Variants in NPHP4 observed in about 807,000 individuals in gnomAD.
NPHP4 encodes nephrocystin-4.
A neutral mutation model predicts 155.8 loss-of-function variants in NPHP4; 151 were observed. That is an observed-to-expected ratio of 0.97 (90% CI 0.85 to 1.11). NPHP4 has a LOEUF of 1.11. NPHP4 is among the 50% of genes least tolerant of loss of function. The pLI, the probability that NPHP4 is intolerant of heterozygous loss-of-function variation, is 0.00. For synonymous variants in NPHP4, 845 were observed against 816.8 expected (o/e 1.03, Z -0.59); for missense variants, 1,956 against 1,925.7 (o/e 1.02, Z -0.29).
intron 18 of NPHP4, among the ~76,000 whole-genome samples, chr1:5,883,946 G>A (rs1156746940): frequency 1.3e-5 from 2 of 152,176 alleles, no homozygotes; most frequent in African/African-American, 2.4e-5. Context: ...TGGCTGCAGC[G>A]GGTGTGACCA....
In NPHP4 at chr1:5,900,990, G is replaced by GT. The variant is rs1644650889; in HGVS notation, c.2143+3626dup. ...GTCGAGGCTGCCATGAGCCATAATT[G>GT]TGCCACTGCACTCCAGCCTGGGTGA... On this transcript the variant is annotated intron_variant, in intron 16 of 29. Coordinates refer to ENST00000378156, the MANE Select transcript of NPHP4 (RefSeq NM_015102.5). 1.3e-5 allele frequency among the ~76,000 whole-genome samples: 2 copies of GT among 151,958 alleles called. 1 individual carries two copies. The highest frequency in any genetic ancestry group is 4.2e-4 in the South Asian group (2 of 4,810).
chr1:5,913,937 G>A (rs1336824861), intron 11 of NPHP4, among the ~76,000 whole-genome samples: 1 of 152,054 alleles, frequency 6.6e-6, no homozygotes, highest in Non-Finnish European at 1.5e-5. Flanking sequence ...CAGAACAGAG[G>A]AAGGAGCTCT....
At chr1:5,911,085 C>T (rs1287756334) in intron 11 of NPHP4, among the ~76,000 whole-genome samples, 6 of 152,242 alleles carry the variant, frequency 3.9e-5, no homozygotes, top group South Asian at 2.1e-4. Flanking sequence ...CTCACGTGCT[C>T]GGAGGGAGTT....
chr1:5,920,073 A>C (rs1645663974), intron 11 of NPHP4, among the ~76,000 whole-genome samples: 1 of 152,254 alleles, frequency 6.6e-6, no homozygotes, highest in Admixed American at 6.5e-5. Flanking sequence ...CTGGGACTAC[A>C]GGCGCGTGCC....
chr1:5,941,836 T>C (rs1646832608), intron 9 of NPHP4, among the ~76,000 whole-genome samples: 1 of 152,176 alleles, frequency 6.6e-6, no homozygotes, highest in South Asian at 2.1e-4. Flanking sequence ...GTCAACCATC[T>C]ACCCACCAGT....
At chr1:5,907,334 CG>C in intron 12 of NPHP4, 112 bp from the exon 13 acceptor site, 2 of 601,542 alleles carry the variant, frequency 3.3e-6, no homozygotes. Context: ...GATCCAGCCA[CG>C]GAAGGGAGTG....
At chr1:5,870,803 A>G (rs953430087) in intron 23 of NPHP4, among the ~76,000 whole-genome samples, 1 of 152,230 alleles carries the variant, frequency 6.6e-6, no homozygotes. Flanking sequence ...TGAAACGAAC[A>G]CCAGACCAGC....
intron 2 of NPHP4, among the ~76,000 whole-genome samples, chr1:5,981,766 C>T (rs543105525): frequency 1.8e-4 from 27 of 152,296 alleles, no homozygotes; most frequent in African/African-American, 3.6e-4. Flanking sequence ...AATAAAACAA[C>T]GTTGCATTCC....
At chr1:5,985,281 T>C (rs1453966149) in intron 2 of NPHP4, among the ~76,000 whole-genome samples, 2 of 152,260 alleles carry the variant, frequency 1.3e-5, no homozygotes, top group African/African-American at 2.4e-5. Flanking sequence ...CTGATCCTTC[T>C]CACGCATTCC....
intron 11 of NPHP4, among the ~76,000 whole-genome samples, chr1:5,916,975 C>T (rs965559738): frequency 2.0e-5 from 3 of 152,218 alleles, no homozygotes. Flanking sequence ...GCAAGAATAG[C>T]TGGGCAAAGC....
chr1:5,952,312 G>C (rs1648262254), intron 7 of NPHP4, among the ~76,000 whole-genome samples: 1 of 152,202 alleles, frequency 6.6e-6, no homozygotes, highest in Non-Finnish European at 1.5e-5. Context: ...CTCATCTGGT[G>C]ATTTAGTTTA....
intron 16 of NPHP4, among the ~76,000 whole-genome samples, chr1:5,893,303 C>T (rs193179020): frequency 6.5e-4 from 99 of 152,172 alleles, no homozygotes; most frequent in Admixed American, 6.3e-3. Flanking sequence ...GCGCAGAGAC[C>T]GGTAGTGGCC....
Position 5,927,633 on chromosome 1 carries a change from C to G in NPHP4, c.1441+16G>C. 6.3e-7 allele frequency: 1 copy of G among 1,593,122 alleles called. No individual in the cohort carries two copies. Among genetic ancestry groups the G allele is most frequent in the Non-Finnish European group, 8.6e-7 (1 of 1,163,240 alleles). On this transcript the variant is annotated intron_variant, in intron 11 of 29. Coordinates refer to ENST00000378156, the MANE Select transcript of NPHP4 (RefSeq NM_015102.5). ...CTGCCATGTGCCTGGCCAGTCAGCTCTCTGGAAACACTTACTCGAAGGGGA... is the reference window on the plus strand; with the variant it reads ...CTGCCATGTGCCTGGCCAGTCAGCTGTCTGGAAACACTTACTCGAAGGGGA...
Position 5,905,662 on chromosome 1 carries a change from G to A in NPHP4, c.1733C>T (p.Ala578Val). ...LQELPFTPLHAPIVVGTQTRS... is the reference protein window; with the variant it reads ...LQELPFTPLHVPIVVGTQTRS... ...GGTCTGGGTTCCCACAACAATAGGG[G>A]CATGCAAAGGCGTGAACGGCAGCTC... The change falls in exon 14 of 30, where the codon GCC (alanine) becomes GTC (valine). Residue 578 changes from alanine (A) to valine (V), a missense_variant. By Grantham distance (64) the Ala-to-Val change is moderately conservative. Transcript: ENST00000378156. This position sits in a 1 kb window ranked among gnomAD's most constrained non-coding sequence, Gnocchi z 4.0. 10 of 1,613,958 alleles carry A rather than the reference G, an allele frequency of 6.2e-6. No homozygotes were observed. The highest frequency in any genetic ancestry group is 7.6e-6 in the Non-Finnish European group (9 of 1,179,866).
At chr1:5,884,008 T>A (rs574748069) in intron 18 of NPHP4, among the ~76,000 whole-genome samples, 1 of 152,266 alleles carries the variant, frequency 6.6e-6, no homozygotes, top group South Asian at 2.1e-4. Context: ...TTACTATATT[T>A]CTACTTAGGG....
chr1:5,950,984 T>C (rs769032299), intron 7 of NPHP4, among the ~76,000 whole-genome samples: 4 of 152,146 alleles, frequency 2.6e-5, no homozygotes, highest in East Asian at 3.9e-4. Flanking sequence ...CACGGGAGCA[T>C]GGTCTTGAGC....
At chr1:5,908,394 T>C (rs1645016612) in intron 12 of NPHP4, among the ~76,000 whole-genome samples, 1 of 152,212 alleles carries the variant, frequency 6.6e-6, no homozygotes, top group Non-Finnish European at 1.5e-5. Context: ...GAGACAGCCA[T>C]GGATACTGAA....
At chr1:5,955,712 C>A (rs1162917118) in intron 6 of NPHP4, among the ~76,000 whole-genome samples, 1 of 152,166 alleles carries the variant, frequency 6.6e-6, no homozygotes. Context: ...ACCATAGAAG[C>A]GGAGCACAGA....
chr1:5,889,294 G>A lies in NPHP4; in HGVS notation c.2304+1574C>T, dbSNP rs935101388. Among the ~76,000 whole-genome samples, 1 of 152,214 alleles carries A rather than the reference G, an allele frequency of 6.6e-6. No homozygotes were observed. Among genetic ancestry groups the A allele is most frequent in the African/African-American group, 2.4e-5 (1 of 41,450 alleles). On this transcript the variant is annotated intron_variant, in intron 17 of 29. Transcript: ENST00000378156. This position sits in a 1 kb window ranked among gnomAD's most constrained non-coding sequence, Gnocchi z 4.2. ...AAAGTAAGTCCACCAAAGGCTAACCGGAGCAACCTAACTCTCCCAGGATCT... is the reference window on the plus strand; with the variant it reads ...AAAGTAAGTCCACCAAAGGCTAACCAGAGCAACCTAACTCTCCCAGGATCT...
Sources: gnomAD v4.1 joint callset for allele counts (sites outside exome capture counted in the v4.1 genomes callset) on GRCh38, gnomAD v4.1.1 for gene constraint, Gnocchi (gnomAD v3.1) non-coding constraint, MANE v1.5 for transcripts, NCBI Gene and HGNC (gene_info 2026-07-23, HGNC 2026-07-21) for gene names.